BDP1: variants seen among roughly 807,000 people sequenced by gnomAD.
The protein encoded by BDP1 is BDP1 general transcription factor IIIB subunit, also known as transcription factor TFIIIB component B'' homolog.
A neutral mutation model predicts 266.6 loss-of-function variants in BDP1; 169 were observed. The ratio of observed to expected loss-of-function variants is 0.63; its 90% CI spans 0.56 to 0.72. The LOEUF (loss-of-function observed/expected upper bound fraction) is 0.72. Among genes scored for constraint, BDP1 ranks in the 30% least tolerant of loss-of-function variants. The probability of loss-of-function intolerance (pLI) is 0.00; values close to 1 mark genes in which losing one functional copy is unlikely to be tolerated. For synonymous variants in BDP1, 1,090 were observed against 1,022.4 expected, an observed-to-expected ratio of 1.07 and a Z score of -1.26; for missense variants, 3,015 against 3,053.8, an observed-to-expected ratio of 0.99 and a Z score of 0.30.
chr5:71,475,571 C>T (rs1171817647), intron 7 of BDP1, among the ~76,000 whole-genome samples: 1 of 152,176 alleles, frequency 6.6e-6, no homozygotes, highest in East Asian at 1.9e-4. Flanking sequence ...AGCAGTAGTT[C>T]ATTATCAGGC....
the BDP1 span, among the ~76,000 whole-genome samples, chr5:71,574,655 A>G: frequency 6.6e-6 from 1 of 152,298 alleles, no homozygotes; most frequent in Admixed American, 6.5e-5. Context: ...CTGTAGTCCC[A>G]GGAGTGATTG....
At position 71,483,891 on chromosome 5, in the gene BDP1, C is replaced by G. The variant is rs1298962853; in HGVS notation, c.1064C>G (p.Ala355Gly). 6.2e-7 allele frequency: 1 copy of G among 1,608,848 alleles called. No homozygotes were observed. The change falls in exon 8 of 39, where the codon GCA becomes GGA. Residue 355 changes from alanine to glycine, a missense_variant. Ala to Gly is a moderately conservative substitution (Grantham distance 60, BLOSUM62 0). Transcript: ENST00000358731. ...ACAAATGGATGGAGAATAGACAAAG[C>G]ATTCCGTAAGTATTAAGACCTCTTT... ...EKTNGWRIDK[A>G]FQEKRPFDFD... is the part of the protein sequence containing the mutation.
chr5:71,509,394 T>C, intron 16 of BDP1, 71 bp from the exon 17 acceptor site: 2 of 1,446,990 alleles, frequency 1.4e-6, no homozygotes, highest in Non-Finnish European at 1.8e-6. Flanking sequence ...TGTAGTGATT[T>C]CTCAAACATC....
In BDP1 at chr5:71,514,963, TATCAAGAGA is replaced by T; in HGVS notation, c.4492_4500del (p.Ser1498_Glu1500del). The T allele has an allele frequency of 6.2e-7, 1 of 1,606,408 alleles. No individual in the cohort carries two copies. Among genetic ancestry groups the T allele is most frequent in the Admixed American group, 1.7e-5 (1 of 57,744 alleles). On this transcript the variant is annotated inframe_deletion, in exon 20 of 39. Coordinates refer to ENST00000358731, the MANE Select transcript of BDP1 (RefSeq NM_018429.3). Reference sequence around the variant, plus strand: ...TTCTAGGATGAAGCTTCCCTAATGATATCAAGAGAAAAAGACACATTAGGTCACAGGAAT... The same window carrying T: ...TTCTAGGATGAAGCTTCCCTAATGATAAAAGACACATTAGGTCACAGGAAT...
intron 3 of BDP1, among the ~76,000 whole-genome samples, chr5:71,463,012 C>T (rs1441947774): frequency 6.6e-6 from 1 of 151,960 alleles, no homozygotes; most frequent in Non-Finnish European, 1.5e-5. Context: ...GCACAGGAGG[C>T]TGAGGTGGGA....
In BDP1 at chr5:71,501,432, C is replaced by T; in HGVS notation, c.1957-130C>T. On this transcript the variant is annotated intron_variant, in intron 13 of 38. Transcript: ENST00000358731. ...CAGGCAATCCGCCTGCCTTGGCCTC[C>T]CAAAGTGCTAGGATTACAGGCTTGA... The T allele has an allele frequency of 5.0e-6, 3 of 594,378 alleles. No homozygotes were observed. The South Asian group carries it at 7.2e-5, about 14-fold the overall frequency. 36.8% of individuals were successfully genotyped at this position (594,378 alleles called of 1,614,324 possible). A position where few individuals can be genotyped will look rare whatever the true frequency, so the allele number is the denominator to read the frequency against.
intron 9 of BDP1, among the ~76,000 whole-genome samples, chr5:71,487,304 C>T (rs538434988): frequency 1.6e-4 from 25 of 152,030 alleles, no homozygotes; most frequent in South Asian, 4.2e-4. Context: ...TGCAGTGGCA[C>T]GATCTCGACT....
In BDP1 at chr5:71,566,048, T is replaced by G. The variant is rs1182025464; in HGVS notation, c.*1163T>G. On this transcript the variant is annotated 3_prime_UTR_variant, in exon 39 of 39. Transcript: ENST00000358731. Reference sequence around the variant, plus strand: ...AATTTTAAAGATATTTAAAATGATATAACTAAAAATGTTTAGCTGGTGTAT... The same window carrying G: ...AATTTTAAAGATATTTAAAATGATAGAACTAAAAATGTTTAGCTGGTGTAT... 2 of 210,934 alleles carry G rather than the reference T, an allele frequency of 9.5e-6. No homozygotes were observed. The highest frequency in any genetic ancestry group is 4.7e-5 in the African/African-American group (2 of 42,262). 13.1% of individuals were successfully genotyped at this position (210,934 alleles called of 1,614,324 possible).
At chr5:71,559,167 C>G (rs1049329949) in intron 36 of BDP1, among the ~76,000 whole-genome samples, 1 of 152,008 alleles carries the variant, frequency 6.6e-6, no homozygotes, top group Non-Finnish European at 1.5e-5. Context: ...AAAACAAAAA[C>G]AAAAAAACTC....
At chr5:71,535,914 A>G (rs1318101379) in intron 26 of BDP1, among the ~76,000 whole-genome samples, 1 of 152,182 alleles carries the variant, frequency 6.6e-6, no homozygotes, top group Non-Finnish European at 1.5e-5. Context: ...ATTTGATTAT[A>G]TCTACAAATA....
chr5:71,564,662 A>G, intron 38 of BDP1, 92 bp from the exon 39 acceptor site: 1 of 1,137,800 alleles, frequency 8.8e-7, no homozygotes, highest in Non-Finnish European at 1.2e-6. Context: ...CAAACAGATC[A>G]TATTGGTTTA....
At chr5:71,564,335 CA>C (rs575374073) in intron 38 of BDP1, among the ~76,000 whole-genome samples, 107 of 125,578 alleles carry the variant, frequency 8.5e-4, no homozygotes, top group African/African-American at 3.0e-3. Flanking sequence ...GTCTATTATG[CA>C]AATAATTAAA....
At position 71,455,847 on chromosome 5, in the gene BDP1, A is replaced by T. The variant is rs967920338; in HGVS notation, c.-31A>T. ...GGGCTCGGGGCTGTGAGCGGCCGTGAGGCTGCCTCCCCGGGCCCCCTGCCT... is the reference window on the plus strand; with the variant it reads ...GGGCTCGGGGCTGTGAGCGGCCGTGTGGCTGCCTCCCCGGGCCCCCTGCCT... On this transcript the variant is annotated 5_prime_UTR_variant, in exon 1 of 39. Transcript: ENST00000358731. The T allele has an allele frequency of 1.3e-6, 2 of 1,539,928 alleles. No individual in the cohort carries two copies. The highest frequency in any genetic ancestry group is 2.7e-5 in the African/African-American group (2 of 73,040).
rs1762044753 is a variant in BDP1, at chr5:71,468,557, A to G, written c.919+1070A>G. On this transcript the variant is annotated intron_variant, in intron 6 of 38. Transcript: ENST00000358731. ...TTGGCTGGAATGTTCCTCTCTGTCAAATCTCTACAGTAAATACCATTTAAA... is the reference window on the plus strand; with the variant it reads ...TTGGCTGGAATGTTCCTCTCTGTCAGATCTCTACAGTAAATACCATTTAAA... Among the ~76,000 whole-genome samples the G allele has an allele frequency of 1.3e-5, 2 of 151,734 alleles. 1 individual carries two copies. Among genetic ancestry groups the G allele is most frequent in the South Asian group, 4.2e-4 (2 of 4,808 alleles).
chr5:71,534,335 A>C (rs2150543905), intron 26 of BDP1, among the ~76,000 whole-genome samples: 2 of 152,270 alleles, frequency 1.3e-5, no homozygotes, highest in Middle Eastern at 6.8e-3. Context: ...TTTATTCGAA[A>C]AGACTATTCT....
chr5:71,549,492 C>A lies in BDP1; in HGVS notation c.6881C>A (p.Pro2294Gln), dbSNP rs1170574791. 1 of 1,614,040 alleles carries A rather than the reference C, an allele frequency of 6.2e-7. No homozygotes were observed. The highest frequency in any genetic ancestry group is 1.1e-5 in the South Asian group (1 of 91,068). The change falls in exon 34 of 39, where the codon CCA becomes CAA. Residue 2294 changes from proline to glutamine, a missense_variant. By Grantham distance (76) the Pro-to-Gln change is moderately conservative. Around this residue, in one of 3 missense-constraint regions of BDP1, gnomAD observed 629 missense variants for 632.5 expected, o/e 0.99. Transcript: ENST00000358731. ...QAFILTLVEIPANAVEEFTDA... is the reference protein window; with the variant it reads ...QAFILTLVEIQANAVEEFTDA... ...TTTATTTTAACTCTGGTGGAAATCCCAGCCAATGCAGTAGAAGAATTTACT... is the reference window on the plus strand; with the variant it reads ...TTTATTTTAACTCTGGTGGAAATCCAAGCCAATGCAGTAGAAGAATTTACT...
At chr5:71,519,431 A>G (rs901392803) in intron 22 of BDP1, among the ~76,000 whole-genome samples, 10 of 152,130 alleles carry the variant, frequency 6.6e-5, no homozygotes, top group Admixed American at 1.3e-4. Flanking sequence ...CTGTATTTTT[A>G]TACACACTAA....
intron 1 of BDP1, among the ~76,000 whole-genome samples, chr5:71,457,512 C>T (rs757133904): frequency 6.6e-6 from 1 of 152,054 alleles, no homozygotes; most frequent in Non-Finnish European, 1.5e-5. Context: ...GACAGGGTTT[C>T]ACCATGTTGG....
intron 4 of BDP1, 39 bp from the exon 5 acceptor site, chr5:71,466,057 T>C: frequency 6.2e-7 from 1 of 1,604,118 alleles, no homozygotes; most frequent in Non-Finnish European, 8.5e-7. Context: ...GGCACACTTT[T>C]CATGCCTTTG....
Sources: gnomAD v4.1 joint callset for allele counts (sites outside exome capture counted in the v4.1 genomes callset) on GRCh38, gnomAD v4.1.1 for gene constraint, gnomAD v4.1.1 regional missense constraint, MANE v1.5 for transcripts, NCBI Gene and HGNC (gene_info 2026-07-23, HGNC 2026-07-21) for gene names.